Variants in PLXNA4 observed in about 807,000 individuals in gnomAD.
The protein encoded by PLXNA4 is plexin-A4.
Under a neutral mutation model 191.8 loss-of-function variants are expected in PLXNA4, and 44 were observed. The ratio of observed to expected loss-of-function variants is 0.23; its 90% CI spans 0.18 to 0.29. PLXNA4 has a LOEUF of 0.29. Ranked by LOEUF, PLXNA4 falls within the 10% of genes least tolerant of loss-of-function variation. The pLI is 1.00. For synonymous variants in PLXNA4, 1,082 were observed against 1,009.5 expected (o/e 1.07, Z -1.36); for missense variants, 1,800 against 2,488.8 (o/e 0.72, Z 5.89).
chr7:132,209,614 GA>G (rs1466968569), intron 10 of PLXNA4, among the ~76,000 whole-genome samples: 1 of 152,162 alleles, frequency 6.6e-6, no homozygotes, highest in Non-Finnish European at 1.5e-5. Flanking sequence ...TGAGAGCAGT[GA>G]CCAGTTCTAT....
intron 5 of PLXNA4, among the ~76,000 whole-genome samples, chr7:132,239,987 T>A (rs1053639137): frequency 6.6e-6 from 1 of 152,162 alleles, no homozygotes; most frequent in African/African-American, 2.4e-5. Flanking sequence ...TATTCGAGTT[T>A]AAGAGGGTGT....
chr7:132,309,084 G>A (rs1008615291), intron 3 of PLXNA4, among the ~76,000 whole-genome samples: 9 of 152,136 alleles, frequency 5.9e-5, no homozygotes, highest in African/African-American at 2.2e-4. Flanking sequence ...AGCATGAATT[G>A]TACAGAACAA....
Position 132,508,877 on chromosome 7 carries a change from C to G in PLXNA4, c.-86-98G>C. On this transcript the variant is annotated intron_variant, in intron 1 of 31. Coordinates refer to ENST00000321063, the MANE Select transcript of PLXNA4 (RefSeq NM_020911.2). This position sits in a 1 kb window ranked among gnomAD's most constrained non-coding sequence, Gnocchi z 4.4. ...GGACTTTCAAAATGTTCTGCACACACTGAGCAGAACTGCACTGGGGGGTGC... is the reference window on the plus strand; with the variant it reads ...GGACTTTCAAAATGTTCTGCACACAGTGAGCAGAACTGCACTGGGGGGTGC... 6.8e-6 allele frequency: 8 copies of G among 1,181,100 alleles called. No individual in the cohort carries two copies. Among genetic ancestry groups the G allele is most frequent in the Non-Finnish European group, 9.1e-6 (8 of 874,596 alleles). The allele number at this position is 1,181,100 out of a possible 1,614,324, so 73.2% of individuals were successfully genotyped here. A position where few individuals can be genotyped will look rare whatever the true frequency, so the allele number is the denominator to read the frequency against.
At chr7:132,557,056 G>C (rs1009609132) in intron 1 of PLXNA4, among the ~76,000 whole-genome samples, 4 of 152,202 alleles carry the variant, frequency 2.6e-5, no homozygotes, top group Admixed American at 6.5e-5. Flanking sequence ...CATATAATGA[G>C]GGTGGGAGAA....
At chr7:132,637,075 G>A (rs779256004) in intron 2 of PLXNA4, among the ~76,000 whole-genome samples, 6 of 152,202 alleles carry the variant, frequency 3.9e-5, no homozygotes, top group Non-Finnish European at 8.8e-5. Context: ...AGGGAATGCA[G>A]AGATAGATGG....
chr7:132,331,312 C>T (rs759480091), intron 3 of PLXNA4, among the ~76,000 whole-genome samples: 39 of 152,202 alleles, frequency 2.6e-4, no homozygotes, highest in Non-Finnish European at 4.3e-4. Context: ...GGGGCTGAAA[C>T]ACCGCTGCAC....
At chr7:132,221,774 A>C (rs1318367704) in intron 9 of PLXNA4, among the ~76,000 whole-genome samples, 3 of 152,186 alleles carry the variant, frequency 2.0e-5, no homozygotes, top group Non-Finnish European at 4.4e-5. Flanking sequence ...CTGACTGTGA[A>C]TCCATAGTAG....
intron 4 of PLXNA4, among the ~76,000 whole-genome samples, chr7:132,281,895 T>C (rs868080923): frequency 6.6e-6 from 1 of 152,218 alleles, no homozygotes; most frequent in Admixed American, 6.5e-5. Flanking sequence ...CAAAGTATTA[T>C]AAAGATTTTA....
chr7:132,585,518 TG>T (rs111635215), intron 2 of PLXNA4, among the ~76,000 whole-genome samples: 5,508 of 152,152 alleles, frequency 0.036, 316 homozygotes, highest in African/African-American at 0.12. Context: ...AAGATAGATG[TG>T]GTAATTATTT....
chr7:132,419,216 G>A (rs914991784), intron 3 of PLXNA4, among the ~76,000 whole-genome samples: 1 of 152,182 alleles, frequency 6.6e-6, no homozygotes, highest in Non-Finnish European at 1.5e-5. Flanking sequence ...TTCTACCTGG[G>A]GCCAGGCATC....
chr7:132,208,892 T>C lies in PLXNA4; in HGVS notation c.2298+2051A>G, dbSNP rs77024386. Among the ~76,000 whole-genome samples, 627 of 152,298 alleles carry C rather than the reference T, an allele frequency of 4.1e-3. 5 individuals are homozygous for C. Among genetic ancestry groups the C allele is most frequent in the African/African-American group, 0.014 (597 of 41,580 alleles). ...TGCGGAGACCCTGTTTGTGCTCTTG[T>C]TCCCAGGAGGCTCTGATTTCACACC... On this transcript the variant is annotated intron_variant, in intron 10 of 31. Coordinates refer to ENST00000321063, the MANE Select transcript of PLXNA4 (RefSeq NM_020911.2).
intron 2 of PLXNA4, among the ~76,000 whole-genome samples, chr7:132,501,557 G>C (rs370088784): frequency 1.1e-4 from 17 of 152,280 alleles, no homozygotes; most frequent in African/African-American, 4.1e-4. Flanking sequence ...CCTCAACTTT[G>C]CTCCTGCCAA....
chr7:132,412,742 G>A (rs573324775), intron 3 of PLXNA4, among the ~76,000 whole-genome samples: 1 of 152,250 alleles, frequency 6.6e-6, no homozygotes, highest in South Asian at 2.1e-4. Context: ...GAGGACCTCT[G>A]GGGAAAGCAG....
chr7:132,520,139 G>A (rs1036217748), intron 1 of PLXNA4, among the ~76,000 whole-genome samples: 19 of 152,190 alleles, frequency 1.2e-4, no homozygotes, highest in Admixed American at 1.2e-3. Context: ...AAGACTCTTT[G>A]CATCTTTGCT....
At chr7:132,150,213 A>G (rs1256173705) in intron 25 of PLXNA4, among the ~76,000 whole-genome samples, 1 of 152,194 alleles carries the variant, frequency 6.6e-6, no homozygotes, top group East Asian at 1.9e-4. Context: ...GCAAAGGGGA[A>G]AATGCCTCAC....
intron 2 of PLXNA4, among the ~76,000 whole-genome samples, chr7:132,610,685 A>C (rs1377950626): frequency 6.6e-6 from 1 of 152,206 alleles, no homozygotes. Flanking sequence ...CCCAACCCAA[A>C]GTGCATCATT....
At chr7:132,460,372 G>GAA (rs371685741) in intron 3 of PLXNA4, among the ~76,000 whole-genome samples, 7 of 122,496 alleles carry the variant, frequency 5.7e-5, no homozygotes, top group East Asian at 6.3e-4. Flanking sequence ...CTCAAAAAAA[G>GAA]AAAAAAAAAA....
At chr7:132,202,434 T>G (rs1797468581) in intron 12 of PLXNA4, among the ~76,000 whole-genome samples, 1 of 152,098 alleles carries the variant, frequency 6.6e-6, no homozygotes. Context: ...TCATTGAGGA[T>G]AGTCGAGCCC....
chr7:132,603,303 G>A (rs900127440), intron 2 of PLXNA4, among the ~76,000 whole-genome samples: 58 of 152,024 alleles, frequency 3.8e-4, no homozygotes, highest in Middle Eastern at 3.4e-3. Context: ...ATTCCACCCC[G>A]GGAAGAGAGG....
Sources: allele counts gnomAD v4.1 joint callset (sites outside exome capture counted in the v4.1 genomes callset), GRCh38; gene constraint gnomAD v4.1.1; non-coding constraint Gnocchi (gnomAD v3.1); transcripts MANE v1.5; gene names NCBI Gene and HGNC (gene_info 2026-07-23, HGNC 2026-07-21).